ALDH1L2: variants seen among roughly 807,000 people sequenced by gnomAD.
The protein encoded by ALDH1L2 is mitochondrial 10-formyltetrahydrofolate dehydrogenase.
Under a neutral mutation model 111.0 loss-of-function variants are expected in ALDH1L2, and 91 were observed. The ratio of observed to expected loss-of-function variants is 0.82; its 90% CI spans 0.69 to 0.98. ALDH1L2 has a LOEUF of 0.98. ALDH1L2 is among the 50% of genes least tolerant of loss of function. The pLI, the probability that ALDH1L2 is intolerant of heterozygous loss-of-function variation, is 0.00. For missense variants in ALDH1L2, 995 were observed against 1,126.8 expected, an observed-to-expected ratio of 0.88 and a Z score of 1.67; for synonymous variants, 374 against 392.6, an observed-to-expected ratio of 0.95 and a Z score of 0.56.
At chr12:105,052,466 G>A (rs965428941) in intron 11 of ALDH1L2, among the ~76,000 whole-genome samples, 3 of 152,194 alleles carry the variant, frequency 2.0e-5, no homozygotes, top group Non-Finnish European at 4.4e-5. Flanking sequence ...TTGGAAGACT[G>A]TAGTTCTTCC....
chr12:105,031,971 G>T, intron 19 of ALDH1L2, 37 bp from the exon 20 acceptor site: 1 of 1,599,986 alleles, frequency 6.3e-7, no homozygotes, highest in Non-Finnish European at 8.5e-7. Flanking sequence ...ACAATTCACT[G>T]TTAATAATAA....
chr12:105,082,679 T>C (rs922600325), intron 1 of ALDH1L2, among the ~76,000 whole-genome samples: 4 of 152,198 alleles, frequency 2.6e-5, no homozygotes, highest in Non-Finnish European at 4.4e-5. Context: ...CAGGTTTCTA[T>C]GCGGGCAAAT....
At position 105,070,733 on chromosome 12, in the gene ALDH1L2, T is replaced by C. The variant is rs1239515685; in HGVS notation, c.265A>G (p.Lys89Glu). The C allele has an allele frequency of 6.2e-7, 1 of 1,614,188 alleles. No homozygotes were observed. The highest frequency in any genetic ancestry group is 1.7e-5 in the Admixed American group (1 of 60,022). ...GATCTGTAGGCTTCTGCCACTTCTT[T>C]GATGGTCTTGCCCTTGACCCTCCAT... ...PKWRVKGKTI[K>E]EVAEAYRSVG... Residue 89 changes from lysine to glutamate, a missense_variant, in exon 3 of 23, where the codon AAA (lysine) becomes GAA (glutamate). Transcript: ENST00000258494.
intron 6 of ALDH1L2, 61 bp from the exon 7 acceptor site, chr12:105,063,083 T>G: frequency 3.8e-4 from 587 of 1,526,598 alleles, no homozygotes; most frequent in Non-Finnish European, 4.7e-4. Context: ...TAGCGGTATG[T>G]ATAAGCATCA....
Position 105,073,074 on chromosome 12 carries a change from A to G in ALDH1L2, c.193+787T>C, listed in dbSNP as rs182801750. The stretch of plus-strand genomic sequence containing the variant: ...CCCAGAGCTATCTTTGACTGTCCTC[A>G]TTGAATATTCTAACAAGAATACTCA... On this transcript the variant is annotated intron_variant, in intron 2 of 22. Coordinates refer to ENST00000258494, the MANE Select transcript of ALDH1L2 (RefSeq NM_001034173.4). Among the ~76,000 whole-genome samples, 619 of 152,330 alleles carry G rather than the reference A, an allele frequency of 4.1e-3. 8 individuals are homozygous for G. Among genetic ancestry groups the G allele is most frequent in the African/African-American group, 0.014 (578 of 41,564 alleles).
At chr12:105,045,741 A>C (rs897230908) in intron 15 of ALDH1L2, among the ~76,000 whole-genome samples, 5 of 152,206 alleles carry the variant, frequency 3.3e-5, no homozygotes, top group African/African-American at 1.2e-4. Flanking sequence ...CCGTGGCCAC[A>C]TGACCATGTA....
At chr12:105,054,592 G>T (rs527651967) in intron 10 of ALDH1L2, among the ~76,000 whole-genome samples, 57 of 152,304 alleles carry the variant, frequency 3.7e-4, no homozygotes, top group African/African-American at 1.2e-3. Context: ...GGATGAAATG[G>T]GTCTGGAGCT....
chr12:105,061,559 T>C, intron 8 of ALDH1L2, 68 bp downstream of exon 8: 1 of 1,596,316 alleles, frequency 6.3e-7, no homozygotes, highest in Admixed American at 1.7e-5. Context: ...TGAGGACTGA[T>C]GGTACCAGTT....
At chr12:105,055,306 T>A (rs1257259104) in intron 10 of ALDH1L2, among the ~76,000 whole-genome samples, 1 of 152,148 alleles carries the variant, frequency 6.6e-6, no homozygotes, top group Non-Finnish European at 1.5e-5. Flanking sequence ...AATCATTAGA[T>A]GACCATTAAA....
intron 20 of ALDH1L2, among the ~76,000 whole-genome samples, chr12:105,031,192 G>T (rs951425133): frequency 1.3e-5 from 2 of 152,132 alleles, no homozygotes; most frequent in Non-Finnish European, 2.9e-5. Context: ...ATCTTTAAGT[G>T]TACAGCTCAG....
rs942202960 is a variant in ALDH1L2, at chr12:105,080,686, A to G, written c.48+3703T>C. 2.0e-5 allele frequency among the ~76,000 whole-genome samples: 3 copies of G among 152,332 alleles called. No homozygotes were observed. In the South Asian group the frequency reaches 6.2e-4, roughly 32 times the overall value. ...TATTTTCAGACTTTGGAATGTTTGC[A>G]TTATACTTACCATTGGAGCATCCCA... is the stretch of plus-strand genomic sequence containing the variant. On this transcript the variant is annotated intron_variant, in intron 1 of 22. Transcript: ENST00000258494.
At chr12:105,051,362 C>T (rs1437256287) in intron 12 of ALDH1L2, among the ~76,000 whole-genome samples, 1 of 152,116 alleles carries the variant, frequency 6.6e-6, no homozygotes, top group Non-Finnish European at 1.5e-5. Flanking sequence ...TTCCCTGGCT[C>T]CCTCGCTGAT....
rs796711428 is a variant in ALDH1L2, at chr12:105,036,330, T to TTA, written c.2145+1771_2145+1772dup. 4.2e-3 allele frequency among the ~76,000 whole-genome samples: 233 copies of TTA among 55,808 alleles called. 25 individuals carry two copies. Among genetic ancestry groups the TTA allele is most frequent in the Middle Eastern group, 0.02 (1 of 50 alleles). The allele number at this position is 55,808 out of a possible 152,430, so 36.6% of individuals were successfully genotyped here. A position where few individuals can be genotyped will look rare whatever the true frequency, so the allele number is the denominator to read the frequency against. On this transcript the variant is annotated intron_variant, in intron 18 of 22. Coordinates refer to ENST00000258494, the MANE Select transcript of ALDH1L2 (RefSeq NM_001034173.4). ...GTATATTTATATATGTGTATATATA[T>TTA]TATATATACGTATATTTATATATGT...
intron 18 of ALDH1L2, among the ~76,000 whole-genome samples, chr12:105,034,855 G>A (rs1362123155): frequency 2.6e-5 from 4 of 151,974 alleles, no homozygotes; most frequent in African/African-American, 9.7e-5. Context: ...ATGGTGGCAG[G>A]TGCCTGTAAT....
chr12:105,074,457 C>CAAAAAAAAAAAAAAAAAAAAA (rs1565974203), intron 1 of ALDH1L2, among the ~76,000 whole-genome samples: 6 of 93,694 alleles, frequency 6.4e-5, no homozygotes, highest in East Asian at 3.2e-4. Context: ...GACTCTGTCT[C>CAAAAAAAAAAAAAAAAAAAAA]CAAAAAAAAA....
At chr12:105,066,477 AC>A in intron 5 of ALDH1L2, 90 bp downstream of exon 5, 1 of 1,245,340 alleles carries the variant, frequency 8.0e-7, no homozygotes. Flanking sequence ...AAGCTGGCTT[AC>A]CTTTTGGCAA....
chr12:105,084,230 TTTTGTTTG>T (rs374082092), intron 1 of ALDH1L2, among the ~76,000 whole-genome samples, 151 bp downstream of exon 1: 7 of 151,972 alleles, frequency 4.6e-5, no homozygotes, highest in East Asian at 1.9e-4. Context: ...GTCTCTCTGT[TTTTGTTTG>T]TTTGTTTGTT....
intron 6 of ALDH1L2, 31 bp downstream of exon 6, chr12:105,065,236 G>C (rs747238436): frequency 8.3e-7 from 1 of 1,197,982 alleles, no homozygotes; most frequent in East Asian, 4.7e-5. Context: ...AATCGGGGAG[G>C]GGGGTGGGGG....
chr12:105,059,729 A>C (rs1876875670), intron 9 of ALDH1L2, among the ~76,000 whole-genome samples: 1 of 152,218 alleles, frequency 6.6e-6, no homozygotes, highest in African/African-American at 2.4e-5. Flanking sequence ...CCTGACATGT[A>C]GTAAGTGTTC....
Sources: gnomAD v4.1 joint callset for allele counts (sites outside exome capture counted in the v4.1 genomes callset) on GRCh38, gnomAD v4.1.1 for gene constraint, MANE v1.5 for transcripts, NCBI Gene and HGNC (gene_info 2026-07-23, HGNC 2026-07-21) for gene names.